MGAT4C: variants seen among roughly 807,000 people sequenced by gnomAD.
MGAT4C encodes alpha-1,3-mannosyl-glycoprotein 4-beta-N-acetylglucosaminyltransferase C.
A neutral mutation model predicts 40.1 loss-of-function variants in MGAT4C; 19 were observed. That is an observed-to-expected ratio of 0.47 (90% CI 0.33 to 0.70). The LOEUF is 0.70. MGAT4C is among the 30% of genes least tolerant of loss of function. The pLI is 0.02. For synonymous variants in MGAT4C, 181 were observed against 187.1 expected (o/e 0.97, Z 0.27); for missense variants, 491 against 563.2 (o/e 0.87, Z 1.30).
intron 2 of MGAT4C, among the ~76,000 whole-genome samples, chr12:86,649,829 C>A (rs1465743323): frequency 6.6e-6 from 1 of 151,822 alleles, no homozygotes; most frequent in East Asian, 1.9e-4. Flanking sequence ...ATCAAAACTT[C>A]TGCTGAGTAG....
chr12:85,970,158 T>C lies in MGAT4C; in HGVS notation c.*9131A>G, dbSNP rs572678147. 5.9e-5 allele frequency: 9 copies of C among 151,512 alleles called. No homozygotes were observed. In the South Asian group the frequency reaches 1.4e-3, roughly 24 times the overall value. The allele number at this position is 151,512 out of a possible 1,614,324, so 9.4% of individuals were successfully genotyped here. ...TACATAATTCCTAAGGAAATATTAA[T>C]TCATAAAGATTGTTAAATTGAACTG... On this transcript the variant is annotated 3_prime_UTR_variant, in exon 5 of 5. Coordinates refer to ENST00000611864, the MANE Select transcript of MGAT4C (RefSeq NM_001351288.2).
At position 86,061,156 on chromosome 12, in the gene MGAT4C, T is replaced by C. The variant is rs1164138839; in HGVS notation, c.-56-11433A>G. ...GTTATTTCTGCATTTCCAACTGAGG[T>C]ACCTGGTTCATCTTATTGGGCTGGT... is the stretch of plus-strand genomic sequence containing the variant. On this transcript the variant is annotated intron_variant, in intron 1 of 4. Transcript: ENST00000611864. Among the ~76,000 whole-genome samples the C allele has an allele frequency of 2.0e-5, 3 of 152,138 alleles. No homozygotes were observed. In the East Asian group the frequency reaches 5.8e-4, roughly 29 times the overall value.
At chr12:86,752,597 C>G (rs1285851280) in intron 1 of MGAT4C, among the ~76,000 whole-genome samples, 2 of 152,018 alleles carry the variant, frequency 1.3e-5, no homozygotes, top group Non-Finnish European at 2.9e-5. Flanking sequence ...ATATCAATAT[C>G]TTAACAATAT....
intron 2 of MGAT4C, among the ~76,000 whole-genome samples, chr12:86,549,935 C>T (rs1427466870): frequency 4.6e-5 from 7 of 152,078 alleles, no homozygotes; most frequent in African/African-American, 1.7e-4. Context: ...TTCTGTGTCC[C>T]CACCCAAATC....
chr12:86,712,185 T>A (rs1442444561), intron 2 of MGAT4C, among the ~76,000 whole-genome samples: 2 of 152,094 alleles, frequency 1.3e-5, no homozygotes, highest in African/African-American at 4.8e-5. Context: ...AAACTTATAT[T>A]TAAAAGATAT....
chr12:86,697,042 T>C (rs1565931790), intron 2 of MGAT4C, among the ~76,000 whole-genome samples: 1 of 152,132 alleles, frequency 6.6e-6, no homozygotes, highest in Non-Finnish European at 1.5e-5. Context: ...AGAACTGAAA[T>C]ATGCATAGAT....
intron 1 of MGAT4C, among the ~76,000 whole-genome samples, chr12:86,164,997 G>A (rs980970726): frequency 2.6e-5 from 4 of 152,052 alleles, no homozygotes; most frequent in African/African-American, 7.2e-5. Context: ...TGGGACATAT[G>A]GTTGTTAAAA....
chr12:86,796,584 T>C (rs1055920328), intron 1 of MGAT4C, among the ~76,000 whole-genome samples: 6 of 151,850 alleles, frequency 4.0e-5, no homozygotes, highest in Non-Finnish European at 8.8e-5. Context: ...TTCAGTTACA[T>C]AGAAGGAAGA....
chr12:86,659,457 G>T (rs903231470), intron 2 of MGAT4C, among the ~76,000 whole-genome samples: 2 of 152,052 alleles, frequency 1.3e-5, no homozygotes, highest in South Asian at 4.1e-4. Flanking sequence ...TGGAGGACTA[G>T]CTTACTGCAC....
At chr12:86,292,867 G>A (rs991366789) in intron 4 of MGAT4C, among the ~76,000 whole-genome samples, 1 of 150,966 alleles carries the variant, frequency 6.6e-6, no homozygotes, top group Non-Finnish European at 1.5e-5. Flanking sequence ...CTGCAACTTT[G>A]GGACTTCTAA....
At chr12:86,655,567 A>G (rs1368491320) in intron 2 of MGAT4C, among the ~76,000 whole-genome samples, 1 of 152,140 alleles carries the variant, frequency 6.6e-6, no homozygotes, top group Non-Finnish European at 1.5e-5. Flanking sequence ...TCAATGAAAA[A>G]AAATTTTATT....
chr12:86,043,709 A>G (rs1240526912), intron 2 of MGAT4C, among the ~76,000 whole-genome samples: 1 of 152,192 alleles, frequency 6.6e-6, no homozygotes. Context: ...ATCCTCCAAT[A>G]TGGTTTTCAA....
At chr12:86,679,573 G>C (rs1949942498) in intron 2 of MGAT4C, among the ~76,000 whole-genome samples, 1 of 152,050 alleles carries the variant, frequency 6.6e-6, no homozygotes, top group African/African-American at 2.4e-5. Context: ...TGTCCCCCAA[G>C]ATGATAATAT....
At chr12:86,130,897 TCAC>T (rs1881076326) in intron 1 of MGAT4C, among the ~76,000 whole-genome samples, 2 of 152,050 alleles carry the variant, frequency 1.3e-5, no homozygotes, top group Admixed American at 6.5e-5. Context: ...ATTTTTACTC[TCAC>T]CACCATCACC....
intron 2 of MGAT4C, among the ~76,000 whole-genome samples, chr12:86,677,819 C>A (rs770679200): frequency 2.6e-4 from 40 of 152,046 alleles, no homozygotes; most frequent in Non-Finnish European, 4.9e-4. Context: ...TTAATTTAGC[C>A]ATGTTAATTT....
chr12:86,365,405 A>G (rs527479505), intron 3 of MGAT4C, among the ~76,000 whole-genome samples: 5 of 152,290 alleles, frequency 3.3e-5, no homozygotes, highest in African/African-American at 1.2e-4. Context: ...CTGAGGCAAC[A>G]TACATCCTCC....
intron 2 of MGAT4C, among the ~76,000 whole-genome samples, chr12:86,721,464 G>T (rs1258969351): frequency 6.6e-6 from 1 of 151,890 alleles, no homozygotes; most frequent in African/African-American, 2.4e-5. Flanking sequence ...ATCTGGCTCA[G>T]AAGGCTTGGA....
At chr12:86,811,934 A>C (rs1451808106) in intron 1 of MGAT4C, among the ~76,000 whole-genome samples, 3 of 152,246 alleles carry the variant, frequency 2.0e-5, no homozygotes, top group Non-Finnish European at 4.4e-5. Flanking sequence ...CCTTGTCAGC[A>C]ATGTAAGCAC....
chr12:86,210,869 A>G (rs1950433147), intron 1 of MGAT4C, among the ~76,000 whole-genome samples: 1 of 152,120 alleles, frequency 6.6e-6, no homozygotes, highest in South Asian at 2.1e-4. Flanking sequence ...AGTTGATAAC[A>G]GATTTCAGAT....
Sources: gnomAD v4.1 joint callset for allele counts (sites outside exome capture counted in the v4.1 genomes callset) on GRCh38, gnomAD v4.1.1 for gene constraint, MANE v1.5 for transcripts, NCBI Gene and HGNC (gene_info 2026-07-23, HGNC 2026-07-21) for gene names.